PTK7: variants seen among roughly 807,000 people sequenced by gnomAD.
The protein encoded by PTK7 is protein tyrosine kinase 7 (inactive).
PTK7 carries 39 observed loss-of-function variants against 116.6 expected under a neutral mutation model. That is an observed-to-expected ratio of 0.33 (90% CI 0.26 to 0.44). The LOEUF (loss-of-function observed/expected upper bound fraction) is 0.44. PTK7 is among the 20% of genes least tolerant of loss of function. The pLI, the probability that PTK7 is intolerant of heterozygous loss-of-function variation, is 1.00. For synonymous variants in PTK7, 546 were observed against 563.6 expected, an observed-to-expected ratio of 0.97 and a Z score of 0.44; for missense variants, 1,169 against 1,425.6, an observed-to-expected ratio of 0.82 and a Z score of 2.90.
At chr6:43,118,156 C>T (rs1236084736) in intron 1 of PTK7, among the ~76,000 whole-genome samples, 4 of 139,880 alleles carry the variant, frequency 2.9e-5, no homozygotes, top group Non-Finnish European at 4.5e-5. Flanking sequence ...TGATTCAATA[C>T]AGTGGTCACC....
At chr6:43,094,097 G>A (rs1048920806) in intron 1 of PTK7, among the ~76,000 whole-genome samples, 1 of 152,228 alleles carries the variant, frequency 6.6e-6, no homozygotes, top group Non-Finnish European at 1.5e-5. Flanking sequence ...AGTTGCAAAC[G>A]AAGACAGGAT....
chr6:43,078,917 C>T (rs893571538), intron 1 of PTK7, among the ~76,000 whole-genome samples: 48 of 152,296 alleles, frequency 3.2e-4, no homozygotes, highest in Non-Finnish European at 6.6e-4. Context: ...GATAGGCTGT[C>T]TGCAGATTCC....
In PTK7 at chr6:43,129,183, T is replaced by G. The variant is rs761794078; in HGVS notation, c.286T>G (p.Ser96Ala). 15 of 1,614,170 alleles carry G rather than the reference T, an allele frequency of 9.3e-6. No individual in the cohort carries two copies. Among genetic ancestry groups the G allele is most frequent in the Non-Finnish European group, 1.1e-5 (13 of 1,180,044 alleles). Reference sequence around the variant, plus strand: ...TGCAGCTGTGGACCGGCTGCAGGACTCTGGCACCTTCCAGTGTGTGGCTCG... The same window carrying G: ...TGCAGCTGTGGACCGGCTGCAGGACGCTGGCACCTTCCAGTGTGTGGCTCG... ...SFAAVDRLQDSGTFQCVARDD... is the reference protein window; with the variant it reads ...SFAAVDRLQDAGTFQCVARDD... The change falls in exon 2 of 20, where the codon TCT (serine) becomes GCT (alanine). Residue 96 changes from serine to alanine, a missense_variant. By Grantham distance (99) the Ser-to-Ala change is moderately conservative. Transcript: ENST00000230419. The surrounding 1 kb of genome is among the most constrained non-coding windows in gnomAD (Gnocchi z 4.5).
intron 1 of PTK7, among the ~76,000 whole-genome samples, chr6:43,086,869 A>C (rs973323253): frequency 2.0e-5 from 3 of 152,068 alleles, no homozygotes; most frequent in African/African-American, 7.2e-5. Flanking sequence ...ACAACAACAA[A>C]AAAACCCTTC....
chr6:43,100,134 A>G (rs1767484821), intron 1 of PTK7, among the ~76,000 whole-genome samples: 1 of 152,208 alleles, frequency 6.6e-6, no homozygotes, highest in African/African-American at 2.4e-5. Context: ...CTGTAATCCC[A>G]GTACTTTGGG....
chr6:43,106,887 A>T (rs1371267834), intron 1 of PTK7, among the ~76,000 whole-genome samples: 1 of 147,874 alleles, frequency 6.8e-6, no homozygotes, highest in East Asian at 2.0e-4. Context: ...AAGTGCTGGG[A>T]TTACAGGTGT....
At chr6:43,085,575 C>T (rs568623744) in intron 1 of PTK7, among the ~76,000 whole-genome samples, 3 of 151,922 alleles carry the variant, frequency 2.0e-5, no homozygotes, top group South Asian at 4.1e-4. Flanking sequence ...TTCCAGCCTT[C>T]GGACCCTAGA....
chr6:43,146,743 T>C, intron 17 of PTK7, 45 bp downstream of exon 17: 1 of 1,566,094 alleles, frequency 6.4e-7, no homozygotes, highest in Non-Finnish European at 8.8e-7. Flanking sequence ...TGCCCAGGGG[T>C]GGGCCAGGAG....
Position 43,110,428 on chromosome 6 carries a change from T to C in PTK7, c.80-18549T>C, listed in dbSNP as rs531568517. The stretch of plus-strand genomic sequence containing the variant: ...TGCTGTTTTGTTTTTGTTTTTGTTT[T>C]TGAGATGGAATTTTGCTCTTAGTGC... On this transcript the variant is annotated intron_variant, in intron 1 of 19. Transcript: ENST00000230419. Among the ~76,000 whole-genome samples, 7 of 151,912 alleles carry C rather than the reference T, an allele frequency of 4.6e-5. No homozygotes were observed. In the South Asian group the frequency reaches 1.5e-3, roughly 32 times the overall value.
intron 1 of PTK7, among the ~76,000 whole-genome samples, chr6:43,101,337 G>A (rs547578490): frequency 1.5e-3 from 223 of 152,166 alleles, no homozygotes; most frequent in South Asian, 3.3e-3. Flanking sequence ...CGGATCACAA[G>A]GTCAGGAGAT....
At chr6:43,110,369 G>A (rs1049606340) in intron 1 of PTK7, among the ~76,000 whole-genome samples, 1 of 151,354 alleles carries the variant, frequency 6.6e-6, no homozygotes, top group African/African-American at 2.4e-5. Context: ...GTTTCTATTA[G>A]AATTTTAGCA....
chr6:43,076,642 CG>C lies in PTK7; in HGVS notation c.79+77del. On this transcript the variant is annotated intron_variant, in intron 1 of 19. Transcript: ENST00000230419. The surrounding 1 kb of genome is among the most constrained non-coding windows in gnomAD (Gnocchi z 5.7). ...CGTGGGCAAAAGGCTGCGCCCGGGG[CG>C]GTGGGTTTGGGCGGCTGGAACGGCC... The C allele has an allele frequency of 6.7e-7, 1 of 1,483,886 alleles. No homozygotes were observed. The highest frequency in any genetic ancestry group is 1.3e-5 in the South Asian group (1 of 78,048). The allele number at this position is 1,483,886 out of a possible 1,614,324, so 91.9% of individuals were successfully genotyped here.
chr6:43,137,562 T>C (rs937050699), intron 7 of PTK7, among the ~76,000 whole-genome samples: 1 of 152,212 alleles, frequency 6.6e-6, no homozygotes, highest in Non-Finnish European at 1.5e-5. Flanking sequence ...CAGTAGGCAA[T>C]TGGATTTATA....
intron 17 of PTK7, among the ~76,000 whole-genome samples, chr6:43,157,364 A>ATATATATAT (rs70990168): frequency 1.8e-5 from 1 of 54,364 alleles, no homozygotes; most frequent in Non-Finnish European, 3.3e-5. Context: ...ATATATATAT[A>ATATATATAT]TTTTTTTTTT....
In PTK7 at chr6:43,143,718, C is replaced by A. The variant is rs542127218; in HGVS notation, c.2251+98C>A. ...GAGCGCCAGCACTCTGGAAACCGAG[C>A]GGCTGTTGCTGGGTCCTGGAGCTGG... On this transcript the variant is annotated intron_variant, in intron 14 of 19. Coordinates refer to ENST00000230419, the MANE Select transcript of PTK7 (RefSeq NM_002821.5). The surrounding 1 kb of genome is among the most constrained non-coding windows in gnomAD (Gnocchi z 4.2). 3.0e-6 allele frequency: 4 copies of A among 1,330,320 alleles called. No individual in the cohort carries two copies. Among genetic ancestry groups the A allele is most frequent in the Admixed American group, 4.8e-5 (2 of 41,656 alleles). 82.4% of individuals were successfully genotyped at this position (1,330,320 alleles called of 1,614,324 possible). A position where few individuals can be genotyped will look rare whatever the true frequency, so the allele number is the denominator to read the frequency against.
intron 17 of PTK7, among the ~76,000 whole-genome samples, chr6:43,151,073 G>C (rs1437644725): frequency 6.6e-6 from 1 of 151,832 alleles, no homozygotes; most frequent in Non-Finnish European, 1.5e-5. Context: ...CACCCACCTT[G>C]GTCTCCCAGA....
In PTK7 at chr6:43,143,094, T is replaced by C; in HGVS notation, c.2048-323T>C. On this transcript the variant is annotated intron_variant, in intron 13 of 19. Transcript: ENST00000230419. The surrounding 1 kb of genome is among the most constrained non-coding windows in gnomAD (Gnocchi z 4.2). ...CAAATGCTGCTCTCCGGGGCCTGGC[T>C]CACATTATCAAGTCACTTGGGAAGC... 3.7e-6 allele frequency: 1 copy of C among 270,734 alleles called. No individual in the cohort carries two copies. The highest frequency in any genetic ancestry group is 7.1e-6 in the Non-Finnish European group (1 of 141,426). 16.8% of individuals were successfully genotyped at this position (270,734 alleles called of 1,614,324 possible).
chr6:43,131,695 A>C, intron 5 of PTK7: 4 of 369,476 alleles, frequency 1.1e-5, no homozygotes, highest in Non-Finnish European at 1.5e-5. Flanking sequence ...ACATGTGGGA[A>C]TTATGGGAGC....
At position 43,142,821 on chromosome 6, in the gene PTK7, CAA is replaced by C. The variant is rs1359890600; in HGVS notation, c.2047+524_2047+525del. The C allele has an allele frequency of 1.3e-4, 24 of 189,362 alleles. No individual in the cohort carries two copies. In the East Asian group the frequency reaches 3.4e-3, roughly 27 times the overall value. 11.7% of individuals were successfully genotyped at this position (189,362 alleles called of 1,614,324 possible). A position where few individuals can be genotyped will look rare whatever the true frequency, so the allele number is the denominator to read the frequency against. ...TTGGCAGCAGAGTTATTTTTCTAGA[CAA>C]AGTATAATGTGAAAGTTTAAATGGA... On this transcript the variant is annotated intron_variant, in intron 13 of 19. Transcript: ENST00000230419.
Sources: allele counts gnomAD v4.1 joint callset (sites outside exome capture counted in the v4.1 genomes callset), GRCh38; gene constraint gnomAD v4.1.1; non-coding constraint Gnocchi (gnomAD v3.1); transcripts MANE v1.5; gene names NCBI Gene and HGNC (gene_info 2026-07-23, HGNC 2026-07-21).